ACO2: variants seen among roughly 807,000 people sequenced by gnomAD.
The protein encoded by ACO2 is aconitate hydratase, mitochondrial.
In ACO2, 31 loss-of-function variants were observed where a neutral mutation model predicts 84.5. The ratio of observed to expected loss-of-function variants is 0.37; its 90% CI spans 0.28 to 0.50. ACO2 has a LOEUF of 0.50. Ranked by LOEUF, ACO2 falls within the 20% of genes least tolerant of loss-of-function variation. ACO2 has a pLI of 0.97. For synonymous variants in ACO2, 414 were observed against 412.7 expected (o/e 1.00, Z -0.04); for missense variants, 685 against 1,029.3 (o/e 0.67, Z 4.58).
At chr22:41,525,407 G>C in intron 14 of ACO2, 59 bp downstream of exon 14, 1 of 1,594,188 alleles carries the variant, frequency 6.3e-7, no homozygotes, top group East Asian at 2.2e-5. Flanking sequence ...CGTCCCCTGA[G>C]CATCGGGAAG....
intron 1 of ACO2, among the ~76,000 whole-genome samples, chr22:41,474,155 A>G (rs2037979667): frequency 6.6e-6 from 1 of 151,994 alleles, no homozygotes; most frequent in South Asian, 2.1e-4. Flanking sequence ...TGTATTCAAA[A>G]TTGGGATATA....
intron 1 of ACO2, 116 bp from the exon 2 acceptor site, chr22:41,499,610 A>T: frequency 8.7e-7 from 1 of 1,145,500 alleles, no homozygotes; most frequent in Non-Finnish European, 1.2e-6. Context: ...GGCTGCAGTT[A>T]CTGAACAGCT....
chr22:41,516,555 G>A (rs769003373), intron 6 of ACO2, among the ~76,000 whole-genome samples: 8 of 152,114 alleles, frequency 5.3e-5, no homozygotes, highest in Non-Finnish European at 1.0e-4. Context: ...CAGTGATGGG[G>A]GCTCACTCCT....
chr22:41,525,826 CTG>C (rs1372228188), intron 14 of ACO2: 6 of 197,238 alleles, frequency 3.0e-5, no homozygotes, highest in Admixed American at 5.4e-5. Flanking sequence ...GGCCTCCAAT[CTG>C]TGTCAGATAT....
intron 1 of ACO2, among the ~76,000 whole-genome samples, chr22:41,492,225 C>G (rs2066276721): frequency 6.6e-6 from 1 of 152,144 alleles, no homozygotes; most frequent in Non-Finnish European, 1.5e-5. Flanking sequence ...ATACCCAAAG[C>G]TAGTCTTTTA....
At chr22:41,506,663 G>A (rs1332927229) in intron 2 of ACO2, among the ~76,000 whole-genome samples, 2 of 152,046 alleles carry the variant, frequency 1.3e-5, no homozygotes, top group South Asian at 2.1e-4. Flanking sequence ...GATTACAGGC[G>A]TGAGCCACCA....
intron 14 of ACO2, 53 bp from the exon 15 acceptor site, chr22:41,526,209 C>A (rs2066592137): frequency 1.3e-6 from 2 of 1,537,706 alleles, no homozygotes; most frequent in Non-Finnish European, 1.8e-6. Flanking sequence ...GGCTTGTCAT[C>A]CACCCCTCCA....
intron 1 of ACO2, among the ~76,000 whole-genome samples, chr22:41,475,912 AAGC>A (rs2038008225): frequency 6.6e-6 from 1 of 151,146 alleles, no homozygotes; most frequent in African/African-American, 2.4e-5. Context: ...AAAAAAAAAA[AAGC>A]AGCAGATGGA....
At chr22:41,490,502 T>C (rs1471108324) in intron 1 of ACO2, among the ~76,000 whole-genome samples, 1 of 152,226 alleles carries the variant, frequency 6.6e-6, no homozygotes, top group Non-Finnish European at 1.5e-5. Context: ...ATTCAATCAG[T>C]GCCCTGTGTA....
chr22:41,526,073 G>T, intron 14 of ACO2, 189 bp from the exon 15 acceptor site: 2 of 571,678 alleles, frequency 3.5e-6, no homozygotes, highest in South Asian at 4.7e-5. Flanking sequence ...ATGAAGGCCT[G>T]GCCTGAGCCC....
intron 1 of ACO2, among the ~76,000 whole-genome samples, chr22:41,483,058 C>T (rs1453484355): frequency 6.6e-6 from 1 of 152,182 alleles, no homozygotes; most frequent in East Asian, 1.9e-4. Flanking sequence ...TGCCTCGAGG[C>T]CACCTCAGTC....
intron 1 of ACO2, among the ~76,000 whole-genome samples, chr22:41,495,980 C>T (rs1694226894): frequency 6.6e-6 from 1 of 151,944 alleles, no homozygotes; most frequent in Non-Finnish European, 1.5e-5. Flanking sequence ...GGTAATTTCA[C>T]ATTGGAAAGC....
chr22:41,470,922 C>CAAG (rs2037938899), intron 1 of ACO2, among the ~76,000 whole-genome samples: 1 of 152,120 alleles, frequency 6.6e-6, no homozygotes. Context: ...GGGAGTCAGG[C>CAAG]AAGATTATTT....
intron 1 of ACO2, among the ~76,000 whole-genome samples, chr22:41,493,682 C>T (rs1214001189): frequency 1.3e-5 from 2 of 152,152 alleles, no homozygotes; most frequent in Admixed American, 6.6e-5. Context: ...TGGCTCATCC[C>T]TGTAATCCTA....
intron 1 of ACO2, among the ~76,000 whole-genome samples, chr22:41,478,469 A>G (rs1028576029): frequency 6.6e-6 from 1 of 152,232 alleles, no homozygotes; most frequent in Non-Finnish European, 1.5e-5. Flanking sequence ...ATACTGTTTT[A>G]AAAGAGTTGG....
intron 1 of ACO2, among the ~76,000 whole-genome samples, chr22:41,486,465 T>C (rs1387515587): frequency 6.7e-6 from 1 of 148,354 alleles, no homozygotes; most frequent in Non-Finnish European, 1.5e-5. Context: ...GGCTAACTTT[T>C]TGTATTTTTT....
rs749437851 is a variant in ACO2, at chr22:41,509,881, ACAATCTCGGCTCACTG to A, written c.432+1852_432+1867del. 1.6e-4 allele frequency among the ~76,000 whole-genome samples: 23 copies of A among 143,154 alleles called. No individual in the cohort carries two copies. The East Asian group carries it at 2.7e-3, about 17-fold the overall frequency. 93.9% of individuals were successfully genotyped at this position (143,154 alleles called of 152,430 possible). ...CCCCCAGGCTGGAGTGCAGTGACAC[ACAATCTCGGCTCACTG>A]CAATCTCGGCTCACTGCAACCTCCG... On this transcript the variant is annotated intron_variant, in intron 3 of 17. Coordinates refer to ENST00000216254, the MANE Select transcript of ACO2 (RefSeq NM_001098.3).
intron 1 of ACO2, among the ~76,000 whole-genome samples, chr22:41,498,108 C>A (rs1177264317): frequency 6.6e-6 from 1 of 152,086 alleles, no homozygotes; most frequent in East Asian, 1.9e-4. Context: ...CGCTCCACTG[C>A]ATTCTAGCCT....
intron 17 of ACO2, chr22:41,528,278 G>A (rs868418690): frequency 1.1e-6 from 1 of 870,662 alleles, no homozygotes; most frequent in Non-Finnish European, 1.7e-6. Context: ...CCCACCCACT[G>A]CAGGACCCTC....
Sources: allele counts gnomAD v4.1 joint callset (sites outside exome capture counted in the v4.1 genomes callset), GRCh38; gene constraint gnomAD v4.1.1; transcripts MANE v1.5; gene names NCBI Gene and HGNC (gene_info 2026-07-23, HGNC 2026-07-21).